The following RBMS1 variants were observed in gnomAD, a reference collection of about 807,000 sequenced individuals.
RBMS1 encodes RNA-binding motif, single-stranded-interacting protein 1.
RBMS1 carries 17 observed loss-of-function variants against 62.3 expected under a neutral mutation model. The observed-to-expected ratio is 0.27, with a 90% CI of 0.19 to 0.41. The LOEUF (loss-of-function observed/expected upper bound fraction) is 0.41, where lower values mean the gene tolerates loss of function less well. Among genes scored for constraint, RBMS1 ranks in the 10% least tolerant of loss-of-function variants. The pLI, the probability that RBMS1 is intolerant of heterozygous loss-of-function variation, is 1.00. For synonymous variants in RBMS1, 172 were observed against 170.0 expected (o/e 1.01, Z -0.09); for missense variants, 334 against 504.5 (o/e 0.66, Z 3.24).
intron 4 of RBMS1, among the ~76,000 whole-genome samples, chr2:160,305,814 G>A (rs1689472098): frequency 6.6e-6 from 1 of 151,982 alleles, no homozygotes; most frequent in Admixed American, 6.6e-5. Context: ...ACAGAGATAT[G>A]GTATAAAAAA....
chr2:160,448,790 A>T (rs1268628720), intron 1 of RBMS1, among the ~76,000 whole-genome samples: 3 of 145,104 alleles, frequency 2.1e-5, no homozygotes, highest in East Asian at 2.1e-4. Context: ...CTGCCCAGCC[A>T]CCCAGTCTGG....
At chr2:160,376,804 CAAAT>C (rs144445931) in intron 1 of RBMS1, among the ~76,000 whole-genome samples, 45 of 150,936 alleles carry the variant, frequency 3.0e-4, no homozygotes, top group Admixed American at 3.3e-4. Context: ...TCTGGCTAAT[CAAAT>C]AAATAAATAA....
At chr2:160,330,450 T>C (rs953368723) in intron 2 of RBMS1, among the ~76,000 whole-genome samples, 2 of 152,142 alleles carry the variant, frequency 1.3e-5, no homozygotes, top group Admixed American at 6.5e-5. Flanking sequence ...GAATGTAAGA[T>C]GACAGAATTA....
intron 1 of RBMS1, among the ~76,000 whole-genome samples, chr2:160,371,980 C>G (rs1282635780): frequency 6.6e-6 from 1 of 152,164 alleles, no homozygotes; most frequent in African/African-American, 2.4e-5. Flanking sequence ...GAATACAAAT[C>G]TAAAGGTCAT....
Position 160,281,377 on chromosome 2 carries a change from G to C in RBMS1, c.901-13C>G, listed in dbSNP as rs768253510. The C allele has an allele frequency of 1.6e-5, 26 of 1,597,230 alleles. No individual in the cohort carries two copies. The highest frequency in any genetic ancestry group is 6.7e-5 in the East Asian group (3 of 44,680). On this transcript the variant is annotated splice_polypyrimidine_tract_variant and intron_variant, in intron 9 of 13. Transcript: ENST00000348849. ...AAGGACTTTGCACCTAGAAAAGGGAGGATTTTGAAAGAAATATTGATTTTC... is the reference window on the plus strand; with the variant it reads ...AAGGACTTTGCACCTAGAAAAGGGACGATTTTGAAAGAAATATTGATTTTC...
chr2:160,386,147 TACTC>T (rs1694561217), intron 1 of RBMS1, among the ~76,000 whole-genome samples: 1 of 152,244 alleles, frequency 6.6e-6, no homozygotes, highest in Non-Finnish European at 1.5e-5. Flanking sequence ...TGTTGGCTAA[TACTC>T]ATTTATAGTC....
rs368263658 is a variant in RBMS1, at chr2:160,350,428, A to G, written c.251+16788T>C. ...TCAGAAAAACCATTACATCTGTGTA[A>G]TAACAATGAGGTACAAATGAACAGC... On this transcript the variant is annotated intron_variant, in intron 2 of 13. Transcript: ENST00000348849. Among the ~76,000 whole-genome samples the G allele has an allele frequency of 8.3e-4, 126 of 152,274 alleles. 1 individual carries two copies. Among genetic ancestry groups the G allele is most frequent in the African/African-American group, 3.0e-3 (123 of 41,578 alleles).
chr2:160,465,247 A>G (rs1684639347), intron 1 of RBMS1, among the ~76,000 whole-genome samples: 1 of 152,238 alleles, frequency 6.6e-6, no homozygotes, highest in Non-Finnish European at 1.5e-5. Flanking sequence ...ACATCTTATG[A>G]CGCAATTCTC....
intron 1 of RBMS1, among the ~76,000 whole-genome samples, chr2:160,383,454 G>GC (rs67468107): frequency 1.0e-3 from 20 of 19,960 alleles, no homozygotes; most frequent in Non-Finnish European, 1.0e-3. Flanking sequence ...GACATGAATT[G>GC]GGGGGGGGGG....
intron 2 of RBMS1, among the ~76,000 whole-genome samples, chr2:160,351,191 G>T (rs576295202): frequency 1.1e-3 from 172 of 150,696 alleles, no homozygotes; most frequent in African/African-American, 3.9e-3. Flanking sequence ...TAGGGGGAGG[G>T]GGGAGGGAAT....
At chr2:160,360,925 G>C (rs1440125460) in intron 2 of RBMS1, among the ~76,000 whole-genome samples, 1 of 152,002 alleles carries the variant, frequency 6.6e-6, no homozygotes, top group East Asian at 1.9e-4. Context: ...ATAAAACATA[G>C]GGACAGAAAA....
At chr2:160,439,829 G>A (rs1378284386) in intron 1 of RBMS1, among the ~76,000 whole-genome samples, 1 of 152,202 alleles carries the variant, frequency 6.6e-6, no homozygotes, top group Non-Finnish European at 1.5e-5. Context: ...GAGGCTGGCG[G>A]ATCACTCGCG....
At chr2:160,319,895 T>G (rs980930915) in intron 2 of RBMS1, among the ~76,000 whole-genome samples, 3 of 152,212 alleles carry the variant, frequency 2.0e-5, no homozygotes, top group African/African-American at 7.2e-5. Flanking sequence ...TAACTAGGCA[T>G]GAAAGTAAAG....
intron 1 of RBMS1, among the ~76,000 whole-genome samples, chr2:160,370,140 C>A (rs575045864): frequency 2.6e-4 from 40 of 152,230 alleles, no homozygotes; most frequent in African/African-American, 7.0e-4. Flanking sequence ...TAAATGTACC[C>A]AATGAGGACT....
At position 160,492,963 on chromosome 2, in the gene RBMS1, C is replaced by G. The variant is rs1363228395; in HGVS notation, c.75+326G>C. 8 of 275,754 alleles carry G rather than the reference C, an allele frequency of 2.9e-5. No individual in the cohort carries two copies. In the East Asian group the frequency reaches 5.7e-4, roughly 20 times the overall value. 17.1% of individuals were successfully genotyped at this position (275,754 alleles called of 1,614,324 possible). On this transcript the variant is annotated intron_variant, in intron 1 of 13. Coordinates refer to ENST00000348849, the MANE Select transcript of RBMS1 (RefSeq NM_016836.4). ...AGACGCGCACACCAGGCGACGGCCG[C>G]CGGCCAGCCAGGGCTCGGCGAGGGG...
chr2:160,439,948 G>T (rs930945560), intron 1 of RBMS1, among the ~76,000 whole-genome samples: 1 of 151,934 alleles, frequency 6.6e-6, no homozygotes, highest in Non-Finnish European at 1.5e-5. Context: ...GCAGGCACTC[G>T]GCAAGCTGAG....
chr2:160,367,500 T>C, intron 1 of RBMS1, 109 bp from the exon 2 acceptor site: 7 of 1,492,944 alleles, frequency 4.7e-6, no homozygotes, highest in Non-Finnish European at 6.2e-6. Flanking sequence ...TACTTTGAGT[T>C]ATAAATTTTA....
intron 2 of RBMS1, chr2:160,366,890 C>G (rs1383195354): frequency 5.2e-6 from 1 of 192,250 alleles, no homozygotes; most frequent in Non-Finnish European, 1.1e-5. Flanking sequence ...CTCAGAGGTG[C>G]ATCCACAAAA....
chr2:160,492,993 G>A lies in RBMS1; in HGVS notation c.75+296C>T, dbSNP rs551358281. 3.4e-4 allele frequency: 111 copies of A among 324,664 alleles called. No homozygotes were observed. The South Asian group carries it at 5.7e-3, about 17-fold the overall frequency. The allele number at this position is 324,664 out of a possible 1,614,324, so 20.1% of individuals were successfully genotyped here. Reference sequence around the variant, plus strand: ...CAGCCAGGGCTCGGCGAGGGGCGCCGCTCGACCCCACGACCCTCCCCGCTG... The same window carrying A: ...CAGCCAGGGCTCGGCGAGGGGCGCCACTCGACCCCACGACCCTCCCCGCTG... On this transcript the variant is annotated intron_variant, in intron 1 of 13. Coordinates refer to ENST00000348849, the MANE Select transcript of RBMS1 (RefSeq NM_016836.4).
Sources: allele counts gnomAD v4.1 joint callset (sites outside exome capture counted in the v4.1 genomes callset), GRCh38; gene constraint gnomAD v4.1.1; transcripts MANE v1.5; gene names NCBI Gene and HGNC (gene_info 2026-07-23, HGNC 2026-07-21).